The following WDR19 variants were observed in gnomAD, a reference collection of about 807,000 sequenced individuals.
WDR19 encodes the protein WD repeat-containing protein 19.
A neutral mutation model predicts 180.0 loss-of-function variants in WDR19; 121 were observed. That is an observed-to-expected ratio of 0.67 (90% CI 0.58 to 0.78). WDR19 has a LOEUF of 0.78. WDR19 is among the 30% of genes least tolerant of loss of function. The probability of loss-of-function intolerance (pLI) is 0.00; values close to 1 mark genes in which losing one functional copy is unlikely to be tolerated. For missense variants in WDR19, 1,450 were observed against 1,640.7 expected (o/e 0.88, Z 2.01); for synonymous variants, 497 against 540.7 (o/e 0.92, Z 1.12).
At chr4:39,262,892 C>T (rs1189115230) in intron 28 of WDR19, among the ~76,000 whole-genome samples, 1 of 152,088 alleles carries the variant, frequency 6.6e-6, no homozygotes, top group Non-Finnish European at 1.5e-5. Context: ...AGTTTCCTTC[C>T]CAATCCTCCA....
chr4:39,269,030 T>C (rs144745832), intron 30 of WDR19, among the ~76,000 whole-genome samples: 21 of 151,934 alleles, frequency 1.4e-4, no homozygotes, highest in African/African-American at 5.1e-4. Flanking sequence ...TGGAGGTTGC[T>C]GGGAGCCAGA....
chr4:39,261,864 G>T (rs775018877), intron 28 of WDR19, among the ~76,000 whole-genome samples: 18 of 152,142 alleles, frequency 1.2e-4, no homozygotes, highest in Admixed American at 2.0e-4. Context: ...CATGTAGTGA[G>T]TGAAACCAAC....
chr4:39,236,818 G>C (rs1434120677), intron 20 of WDR19, among the ~76,000 whole-genome samples: 1 of 152,108 alleles, frequency 6.6e-6, no homozygotes, highest in Non-Finnish European at 1.5e-5. Context: ...GAGAAATTTA[G>C]AATTTTCTAG....
At chr4:39,255,034 T>C (rs1054891282) in intron 26 of WDR19, among the ~76,000 whole-genome samples, 1 of 152,114 alleles carries the variant, frequency 6.6e-6, no homozygotes, top group African/African-American at 2.4e-5. Flanking sequence ...CCAAATGACT[T>C]CTTGCAAAGT....
rs79596871 is a variant in WDR19 at position 39,256,162 on chromosome 4, G to T, written c.3114+202G>T. Among the ~76,000 whole-genome samples the T allele has an allele frequency of 2.7e-3, 408 of 152,080 alleles. 2 individuals carry two copies. The highest frequency in any genetic ancestry group is 9.4e-3 in the African/African-American group (389 of 41,460). ...TTCCTTCGTAATACCTCTCACATCTGTCACTTTCATTCTAACTACTGTCAG... is the reference window on the plus strand; with the variant it reads ...TTCCTTCGTAATACCTCTCACATCTTTCACTTTCATTCTAACTACTGTCAG... On this transcript the variant is annotated intron_variant, in intron 27 of 36. Coordinates refer to ENST00000399820, the MANE Select transcript of WDR19 (RefSeq NM_025132.4).
intron 9 of WDR19, 99 bp downstream of exon 9, chr4:39,205,835 T>A (rs1252447031): frequency 1.0e-5 from 12 of 1,179,862 alleles, no homozygotes; most frequent in Non-Finnish European, 1.4e-5. Flanking sequence ...CAATCATGTT[T>A]ACAATTTAAA....
chr4:39,223,510 T>C (rs1472309460), intron 14 of WDR19, among the ~76,000 whole-genome samples: 1 of 151,590 alleles, frequency 6.6e-6, no homozygotes, highest in African/African-American at 2.4e-5. Flanking sequence ...TTTGTATTTT[T>C]AGTAGAGACG....
chr4:39,281,228 T>TAGAGAGAGAG (rs1437561762), intron 36 of WDR19, among the ~76,000 whole-genome samples: 4 of 98,730 alleles, frequency 4.1e-5, no homozygotes, highest in Non-Finnish European at 7.9e-5. Flanking sequence ...TATATATATA[T>TAGAGAGAGAG]ATATATATAG....
intron 27 of WDR19, 130 bp from the exon 28 acceptor site, chr4:39,257,356 C>G: frequency 2.3e-6 from 2 of 856,160 alleles, no homozygotes; most frequent in South Asian, 3.3e-5. Flanking sequence ...CAACACCATG[C>G]AAGCCCCTGG....
At chr4:39,280,880 T>G (rs996038706) in intron 36 of WDR19, among the ~76,000 whole-genome samples, 2 of 152,180 alleles carry the variant, frequency 1.3e-5, no homozygotes, top group African/African-American at 2.4e-5. Flanking sequence ...TTTAGGTCTT[T>G]GATCCACTTA....
chr4:39,235,422 G>A (rs930067777), intron 20 of WDR19, among the ~76,000 whole-genome samples: 3 of 151,990 alleles, frequency 2.0e-5, no homozygotes, highest in Non-Finnish European at 2.9e-5. Context: ...GAGCCACTAC[G>A]CCCAGCCTAA....
rs1240966476 is a variant in WDR19 at position 39,228,622 on chromosome 4, C to T, written c.1914C>T (p.Leu638=). The T allele has an allele frequency of 1.2e-6, 2 of 1,613,390 alleles. No homozygotes were observed. Among genetic ancestry groups the T allele is most frequent in the South Asian group, 1.1e-5 (1 of 90,936 alleles). The change falls in exon 17 of 37, where the codon CTC becomes CTT. Residue 638 remains leucine (L), a synonymous_variant. Coordinates refer to ENST00000399820, the MANE Select transcript of WDR19 (RefSeq NM_025132.4). ...NNIYLSTHGF[L]SNLKDTGPDE... ...TCTACCTTAGCACCCATGGCTTTCT[C>T]AGCAACTTAAAAGATACGGGGCCTG...
At position 39,260,620 on chromosome 4, in the gene WDR19, C is replaced by T. The variant is rs147689764; in HGVS notation, c.3183+3066C>T. Among the ~76,000 whole-genome samples, 28 of 152,272 alleles carry T rather than the reference C, an allele frequency of 1.8e-4. No individual in the cohort carries two copies. In the East Asian group the frequency reaches 5.4e-3, roughly 29 times the overall value. The stretch of plus-strand genomic sequence containing the variant: ...CCTCCCAAAGTGCTGGGATTAAAGG[C>T]ATGAGCCACCACACCCAGCCTAGTA... On this transcript the variant is annotated intron_variant, in intron 28 of 36. Coordinates refer to ENST00000399820, the MANE Select transcript of WDR19 (RefSeq NM_025132.4).
intron 36 of WDR19, among the ~76,000 whole-genome samples, chr4:39,282,669 A>T (rs1394767699): frequency 6.6e-6 from 1 of 152,184 alleles, no homozygotes; most frequent in East Asian, 1.9e-4. Context: ...AAGTGCTGGG[A>T]TTACAGGTGT....
In WDR19 at chr4:39,228,208, A is replaced by C; in HGVS notation, c.1630-2A>C. ...GGCAAATCTGTAAATTTTATTTTGT[A>C]GGTCAATGACGCTACCTATGAGATT... On this transcript the variant is annotated splice_acceptor_variant, in intron 15 of 36. Transcript: ENST00000399820. LOFTEE classifies it high-confidence loss of function. The C allele has an allele frequency of 6.2e-7, 1 of 1,611,642 alleles. No homozygotes were observed. Among genetic ancestry groups the C allele is most frequent in the Non-Finnish European group, 8.5e-7 (1 of 1,179,130 alleles).
chr4:39,246,285 C>A (rs1167216234), intron 24 of WDR19, among the ~76,000 whole-genome samples: 1 of 152,202 alleles, frequency 6.6e-6, no homozygotes, highest in Non-Finnish European at 1.5e-5. Flanking sequence ...GCAAGAGGAT[C>A]ACTTGAGGCC....
rs569676115 is a variant in WDR19, at chr4:39,276,418, G to A, written c.3717-602G>A. On this transcript the variant is annotated intron_variant, in intron 33 of 36. Transcript: ENST00000399820. ...GCTGGGGCTCTGGCTGGGAGGAGAT[G>A]CTAGTCATTCTCTCCCCATGCACAA... Among the ~76,000 whole-genome samples the A allele has an allele frequency of 4.6e-5, 7 of 152,276 alleles. No homozygotes were observed. The South Asian group carries it at 6.2e-4, about 14-fold the overall frequency.
At chr4:39,266,311 T>C (rs760858914) in intron 29 of WDR19, among the ~76,000 whole-genome samples, 171 bp downstream of exon 29, 1 of 152,094 alleles carries the variant, frequency 6.6e-6, no homozygotes, top group East Asian at 1.9e-4. Context: ...CTGGGTCACA[T>C]TGGAAGAAGA....
At chr4:39,250,286 G>T (rs1038363816) in intron 24 of WDR19, among the ~76,000 whole-genome samples, 1 of 152,138 alleles carries the variant, frequency 6.6e-6, no homozygotes, top group African/African-American at 2.4e-5. Context: ...TGCAGAAAAG[G>T]CCTTTGACAA....
Sources: allele counts gnomAD v4.1 joint callset (sites outside exome capture counted in the v4.1 genomes callset), GRCh38; gene constraint gnomAD v4.1.1; transcripts MANE v1.5; gene names NCBI Gene and HGNC (gene_info 2026-07-23, HGNC 2026-07-21).